The following PGR variants were observed in gnomAD, a reference collection of about 807,000 sequenced individuals.
The protein encoded by PGR is nuclear receptor subfamily 3 group C member 3.
A neutral mutation model predicts 76.1 loss-of-function variants in PGR; 25 were observed. The observed-to-expected ratio is 0.33, with a 90% CI of 0.24 to 0.46. The LOEUF is 0.46. PGR is among the 20% of genes least tolerant of loss of function. PGR has a pLI of 1.00. For synonymous variants in PGR, 579 were observed against 535.0 expected (o/e 1.08, Z -1.14); for missense variants, 1,172 against 1,225.3 (o/e 0.96, Z 0.65).
At chr11:101,055,290 G>A (rs1360236535) in intron 4 of PGR, among the ~76,000 whole-genome samples, 1 of 151,626 alleles carries the variant, frequency 6.6e-6, no homozygotes, top group African/African-American at 2.4e-5. Context: ...GTGTATGCCT[G>A]TAGTCTCATC....
intron 3 of PGR, among the ~76,000 whole-genome samples, chr11:101,076,098 G>A (rs548106843): frequency 1.2e-4 from 19 of 152,276 alleles, no homozygotes; most frequent in African/African-American, 4.1e-4. Flanking sequence ...ACTGGATAAA[G>A]AAAATGTGGC....
intron 2 of PGR, among the ~76,000 whole-genome samples, chr11:101,097,016 T>A (rs1486375540): frequency 1.3e-5 from 2 of 151,914 alleles, no homozygotes; most frequent in Non-Finnish European, 2.9e-5. Flanking sequence ...AATAGGGGAG[T>A]TCACCCCACT....
rs546928274 is a variant in PGR, at chr11:101,067,751, A to G, written c.1907-4999T>C. On this transcript the variant is annotated intron_variant, in intron 3 of 7. Coordinates refer to ENST00000325455, the MANE Select transcript of PGR (RefSeq NM_000926.4). ...TAAATAAATGGGAGATACTCATACA[A>G]TGAAATCATACAGTGTAGGAAAAAA... Among the ~76,000 whole-genome samples the G allele has an allele frequency of 3.3e-5, 5 of 152,328 alleles. No homozygotes were observed. The South Asian group carries it at 8.3e-4, about 25-fold the overall frequency.
Position 101,039,057 on chromosome 11 carries a change from C to A in PGR, c.*59G>T. 1 of 1,394,020 alleles carries A rather than the reference C, an allele frequency of 7.2e-7. No individual in the cohort carries two copies. The highest frequency in any genetic ancestry group is 1.0e-6 in the Non-Finnish European group (1 of 984,386). The allele number at this position is 1,394,020 out of a possible 1,614,324, so 86.4% of individuals were successfully genotyped here. A position where few individuals can be genotyped will look rare whatever the true frequency, so the allele number is the denominator to read the frequency against. On this transcript the variant is annotated 3_prime_UTR_variant, in exon 8 of 8. Transcript: ENST00000325455. ...TATAAAAACTCAAGACCTCATAATC[C>A]TGACCAAAACAAAAAGACATACCAC...
chr11:101,045,271 C>T (rs1482581600), intron 6 of PGR, among the ~76,000 whole-genome samples: 1 of 152,118 alleles, frequency 6.6e-6, no homozygotes, highest in Non-Finnish European at 1.5e-5. Context: ...GAAAACTTAA[C>T]TCTAGTATGT....
intron 3 of PGR, among the ~76,000 whole-genome samples, chr11:101,075,343 G>T (rs1212226933): frequency 6.6e-6 from 1 of 152,108 alleles, no homozygotes; most frequent in Non-Finnish European, 1.5e-5. Flanking sequence ...AGACTTAAAT[G>T]TAAGACTGAA....
intron 4 of PGR, among the ~76,000 whole-genome samples, chr11:101,052,891 GATAAA>G (rs1208636670): frequency 2.0e-5 from 3 of 152,170 alleles, no homozygotes; most frequent in Admixed American, 6.6e-5. Flanking sequence ...GCATTGCTGA[GATAAA>G]ATAAAGGAGA....
chr11:101,092,171 C>T (rs1423026913), intron 2 of PGR, among the ~76,000 whole-genome samples: 2 of 152,148 alleles, frequency 1.3e-5, no homozygotes, highest in African/African-American at 4.8e-5. Context: ...ATCAGATTGC[C>T]TTTAGATGTC....
chr11:101,039,401 T>C (rs499699), intron 7 of PGR, 130 bp from the exon 8 acceptor site: 174,625 of 700,522 alleles, frequency 0.25, 25,040 homozygotes, highest in African/African-American at 0.52. Flanking sequence ...TTTCTTACCA[T>C]AGTGAAAATA....
chr11:101,123,257 T>C (rs1319669104), intron 2 of PGR, among the ~76,000 whole-genome samples: 1 of 152,184 alleles, frequency 6.6e-6, no homozygotes, highest in Non-Finnish European at 1.5e-5. Flanking sequence ...GAGAAAGCAT[T>C]TTATAATGCC....
intron 3 of PGR, among the ~76,000 whole-genome samples, chr11:101,068,785 T>C (rs1228763286): frequency 2.0e-5 from 3 of 152,078 alleles, no homozygotes; most frequent in African/African-American, 4.8e-5. Flanking sequence ...CCCTATTTAA[T>C]AAATGGTGTT....
chr11:101,100,922 C>A (rs1373221501), intron 2 of PGR, among the ~76,000 whole-genome samples: 1 of 152,058 alleles, frequency 6.6e-6, no homozygotes, highest in Non-Finnish European at 1.5e-5. Context: ...CTCATGATCC[C>A]CTTACTTTTT....
Position 101,030,364 on chromosome 11 carries a change from G to A in PGR, c.*8752C>T, listed in dbSNP as rs1465485254. ...ATTTAAAACATTACATAGAAAATAA[G>A]TATGTGATGATATCGTTAAAATACA... is the stretch of plus-strand genomic sequence containing the variant. On this transcript the variant is annotated 3_prime_UTR_variant, in exon 8 of 8. Transcript: ENST00000325455. 8.8e-6 allele frequency: 2 copies of A among 227,280 alleles called. No homozygotes were observed. Among genetic ancestry groups the A allele is most frequent in the East Asian group, 6.3e-5 (1 of 15,828 alleles). 14.1% of individuals were successfully genotyped at this position (227,280 alleles called of 1,614,324 possible).
At chr11:101,107,623 A>G (rs887586548) in intron 2 of PGR, among the ~76,000 whole-genome samples, 9 of 152,186 alleles carry the variant, frequency 5.9e-5, no homozygotes, top group Non-Finnish European at 1.3e-4. Flanking sequence ...ATTTGTCAAC[A>G]AAGTTGTTCA....
Position 101,032,445 on chromosome 11 carries a change from C to T in PGR, c.*6671G>A, listed in dbSNP as rs1039365484. 1 of 232,492 alleles carries T rather than the reference C, an allele frequency of 4.3e-6. No homozygotes were observed. The highest frequency in any genetic ancestry group is 8.5e-6 in the Non-Finnish European group (1 of 117,688). The allele number at this position is 232,492 out of a possible 1,614,324, so 14.4% of individuals were successfully genotyped here. A position where few individuals can be genotyped will look rare whatever the true frequency, so the allele number is the denominator to read the frequency against. On this transcript the variant is annotated 3_prime_UTR_variant, in exon 8 of 8. Transcript: ENST00000325455. Reference sequence around the variant, plus strand: ...CACTCTTTAACATGGTGTACAAGGCCACTGATTATCTAGACCTGGCTTTCT... The same window carrying T: ...CACTCTTTAACATGGTGTACAAGGCTACTGATTATCTAGACCTGGCTTTCT...
At chr11:101,072,958 TC>T (rs922730784) in intron 3 of PGR, among the ~76,000 whole-genome samples, 7 of 152,136 alleles carry the variant, frequency 4.6e-5, no homozygotes, top group Admixed American at 3.3e-4. Flanking sequence ...GAACTCAGGC[TC>T]TGGACCAAGT....
intron 2 of PGR, among the ~76,000 whole-genome samples, chr11:101,093,724 G>T (rs1200516620): frequency 1.3e-5 from 2 of 152,320 alleles, no homozygotes; most frequent in East Asian, 3.9e-4. Flanking sequence ...CTCCCAAAGT[G>T]CTGGGATTAC....
At chr11:101,114,934 C>A (rs1275101058) in intron 2 of PGR, among the ~76,000 whole-genome samples, 1 of 152,162 alleles carries the variant, frequency 6.6e-6, no homozygotes, top group Admixed American at 6.5e-5. Flanking sequence ...ACTCTTTACT[C>A]AATTAATTGT....
chr11:101,088,451 C>G (rs1861567062), intron 3 of PGR, among the ~76,000 whole-genome samples: 1 of 152,140 alleles, frequency 6.6e-6, no homozygotes. Context: ...CCTGCCTCAG[C>G]CTCCCAAGTA....
Sources: allele counts gnomAD v4.1 joint callset (sites outside exome capture counted in the v4.1 genomes callset), GRCh38; gene constraint gnomAD v4.1.1; transcripts MANE v1.5; gene names NCBI Gene and HGNC (gene_info 2026-07-23, HGNC 2026-07-21).